Variants in PLA2R1 observed in about 807,000 individuals in gnomAD.
The protein encoded by PLA2R1 is secretory phospholipase A2 receptor.
Under a neutral mutation model 195.9 loss-of-function variants are expected in PLA2R1, and 158 were observed. That is an observed-to-expected ratio of 0.81 (90% CI 0.71 to 0.92). PLA2R1 has a LOEUF of 0.92. Ranked by LOEUF, PLA2R1 falls within the 40% of genes least tolerant of loss-of-function variation. The pLI, the probability that PLA2R1 is intolerant of heterozygous loss-of-function variation, is 0.00. For missense variants in PLA2R1, 1,626 were observed against 1,764.6 expected (o/e 0.92, Z 1.41); for synonymous variants, 586 against 598.2 (o/e 0.98, Z 0.30).
At chr2:160,013,843 T>C (rs1166264781) in intron 9 of PLA2R1, among the ~76,000 whole-genome samples, 1 of 151,766 alleles carries the variant, frequency 6.6e-6, no homozygotes, top group Non-Finnish European at 1.5e-5. Flanking sequence ...GATGCATGGG[T>C]TTGAATTCTG....
intron 27 of PLA2R1, among the ~76,000 whole-genome samples, chr2:159,945,571 G>A (rs1363124880): frequency 1.3e-5 from 2 of 152,186 alleles, no homozygotes; most frequent in African/African-American, 2.4e-5. Context: ...GTATATATGT[G>A]CCACATTTTC....
Position 159,987,163 on chromosome 2 carries a change from C to T in PLA2R1, c.2030G>A (p.Cys677Tyr). 1 of 1,612,078 alleles carries T rather than the reference C, an allele frequency of 6.2e-7. No individual in the cohort carries two copies. Among genetic ancestry groups the T allele is most frequent in the East Asian group, 2.2e-5 (1 of 44,862 alleles). The part of the protein sequence containing the change: ...DWESEPGLAS[C>Y]FKVFHSEKVL... ...ATGTAACCTTGGTATCACCTTGAAG[C>T]AACTGGCCAGACCAGGCTCTGACTC... Residue 677 changes from cysteine (C) to tyrosine (Y), a missense_variant, in exon 12 of 30, where the codon TGC becomes TAC. Physicochemically the swap from Cys to Tyr is radical, Grantham distance 194. Transcript: ENST00000283243.
intron 27 of PLA2R1, 33 bp from the exon 28 acceptor site, chr2:159,945,115 T>C (rs1189556691): frequency 1.3e-6 from 2 of 1,503,778 alleles, no homozygotes; most frequent in East Asian, 2.3e-5. Flanking sequence ...TTATGAATTA[T>C]GTGCATGGTT....
At chr2:160,016,241 G>A (rs1692738588) in intron 9 of PLA2R1, among the ~76,000 whole-genome samples, 1 of 139,524 alleles carries the variant, frequency 7.2e-6, no homozygotes, top group Admixed American at 7.6e-5. Flanking sequence ...TCCAGCCTGG[G>A]TGACAAAGCA....
chr2:159,964,941 C>T (rs756810313), intron 20 of PLA2R1, among the ~76,000 whole-genome samples: 39 of 151,990 alleles, frequency 2.6e-4, no homozygotes, highest in Non-Finnish European at 5.1e-4. Flanking sequence ...GCAAGAGAAT[C>T]ACTTGAACCT....
downstream of PLA2R1, among the ~76,000 whole-genome samples, chr2:159,928,011 A>G (rs1686524678): frequency 6.6e-6 from 1 of 152,224 alleles, no homozygotes; most frequent in Non-Finnish European, 1.5e-5. Flanking sequence ...GAGCTGGTAG[A>G]AGTGGCCTAG....
At chr2:160,052,985 C>T (rs150800915) in intron 1 of PLA2R1, among the ~76,000 whole-genome samples, 127 of 152,312 alleles carry the variant, frequency 8.3e-4, no homozygotes, top group African/African-American at 2.7e-3. Context: ...GTCCCTGTAT[C>T]GGTTTGCTAC....
chr2:160,047,778 A>G (rs1359785343), intron 1 of PLA2R1, among the ~76,000 whole-genome samples: 2 of 152,078 alleles, frequency 1.3e-5, no homozygotes, highest in East Asian at 3.9e-4. Flanking sequence ...GTCTGTGAAT[A>G]AATAGACATG....
chr2:159,928,415 A>G (rs1193533751), downstream of PLA2R1, among the ~76,000 whole-genome samples: 1 of 152,210 alleles, frequency 6.6e-6, no homozygotes, highest in Non-Finnish European at 1.5e-5. Flanking sequence ...TTAATTTACA[A>G]GGAGAAATAA....
chr2:160,059,545 T>C (rs79372393), intron 1 of PLA2R1, among the ~76,000 whole-genome samples: 3,378 of 152,274 alleles, frequency 0.022, 59 homozygotes, highest in Non-Finnish European at 0.032. Context: ...GGATGGTAAA[T>C]GGCATAGTCA....
rs952907225 is a variant in PLA2R1 at position 159,976,101 on chromosome 2, A to G, written c.2562T>C (p.His854=). Reference sequence around the variant, plus strand: ...TTTTGCTGTGGATGAATTCTTGCTCATGTGCAGAATGAATTGTGAGAAGAT... The same window carrying G: ...TTTTGCTGTGGATGAATTCTTGCTCGTGTGCAGAATGAATTGTGAGAAGAT... The part of the protein sequence containing the change: ...HSDLLTIHSA[H]EQEFIHSKIK... Residue 854 remains histidine (H), a synonymous_variant, in exon 17 of 30, where the codon CAT becomes CAC. Coordinates refer to ENST00000283243, the MANE Select transcript of PLA2R1 (RefSeq NM_007366.5). 2.5e-6 allele frequency: 4 copies of G among 1,613,024 alleles called. No homozygotes were observed. Among genetic ancestry groups the G allele is most frequent in the Non-Finnish European group, 3.4e-6 (4 of 1,179,468 alleles).
intron 17 of PLA2R1, among the ~76,000 whole-genome samples, chr2:159,971,131 T>A (rs1186702358): frequency 6.6e-6 from 1 of 152,138 alleles, no homozygotes; most frequent in Non-Finnish European, 1.5e-5. Flanking sequence ...TTTATATGTG[T>A]CAACATGGAC....
In PLA2R1 at chr2:159,934,682, T is replaced by C. The variant is rs1686737542; in HGVS notation, c.*7096A>G. 1 of 152,216 alleles carries C rather than the reference T, an allele frequency of 6.6e-6. No homozygotes were observed. The highest frequency in any genetic ancestry group is 2.4e-5 in the African/African-American group (1 of 41,452). The allele number at this position is 152,216 out of a possible 1,614,324, so 9.4% of individuals were successfully genotyped here. On this transcript the variant is annotated 3_prime_UTR_variant, in exon 30 of 30. Transcript: ENST00000283243. Reference sequence around the variant, plus strand: ...GGTGTCTAATATCATAGCAAAATGTTAACTTTTTATATTGAAATGATTTTA... The same window carrying C: ...GGTGTCTAATATCATAGCAAAATGTCAACTTTTTATATTGAAATGATTTTA...
At chr2:159,942,248 G>T in intron 28 of PLA2R1, 89 bp from the exon 29 acceptor site, 1 of 904,228 alleles carries the variant, frequency 1.1e-6, no homozygotes, top group Non-Finnish European at 1.8e-6. Context: ...GCAAACTATG[G>T]CCCATGACCC....
chr2:160,004,491 C>T (rs1030538711), intron 11 of PLA2R1, among the ~76,000 whole-genome samples: 1 of 152,112 alleles, frequency 6.6e-6, no homozygotes, highest in Non-Finnish European at 1.5e-5. Context: ...GATATACCTC[C>T]CCCTGTGGCT....
At chr2:159,982,475 G>C (rs1283603210) in intron 13 of PLA2R1, among the ~76,000 whole-genome samples, 8 of 152,202 alleles carry the variant, frequency 5.3e-5, no homozygotes, top group African/African-American at 1.4e-4. Flanking sequence ...TTAAAAAAGG[G>C]AATTGTGGTC....
chr2:160,003,246 T>C (rs1272415435), intron 11 of PLA2R1, among the ~76,000 whole-genome samples: 1 of 151,976 alleles, frequency 6.6e-6, no homozygotes, highest in African/African-American at 2.4e-5. Flanking sequence ...AAATATAAGG[T>C]TATATTTTTA....
intron 19 of PLA2R1, among the ~76,000 whole-genome samples, chr2:159,968,170 A>G (rs1688910129): frequency 6.6e-6 from 1 of 152,152 alleles, no homozygotes; most frequent in African/African-American, 2.4e-5. Context: ...AACCAGACTC[A>G]CATATAGACA....
Position 159,938,398 on chromosome 2 carries a change from G to GA in PLA2R1, c.*3379dup, listed in dbSNP as rs1412382302. 6.6e-6 allele frequency: 1 copy of GA among 152,284 alleles called. No homozygotes were observed. The highest frequency in any genetic ancestry group is 2.4e-5 in the African/African-American group (1 of 41,446). 9.4% of individuals were successfully genotyped at this position (152,284 alleles called of 1,614,324 possible). A position where few individuals can be genotyped will look rare whatever the true frequency, so the allele number is the denominator to read the frequency against. On this transcript the variant is annotated 3_prime_UTR_variant, in exon 30 of 30. Transcript: ENST00000283243. ...CTGTGTTAATCCACCAAGACTGTGG[G>GA]ATTGTTTGCTATGGCATTTCGCCTT...
Sources: gnomAD v4.1 joint callset for allele counts (sites outside exome capture counted in the v4.1 genomes callset) on GRCh38, gnomAD v4.1.1 for gene constraint, MANE v1.5 for transcripts, NCBI Gene and HGNC (gene_info 2026-07-23, HGNC 2026-07-21) for gene names.